P2RX5: variants seen among roughly 807,000 people sequenced by gnomAD.
P2RX5 encodes P2X purinoceptor 5.
A neutral mutation model predicts 54.1 loss-of-function variants in P2RX5; 46 were observed. The observed-to-expected ratio is 0.85, with a 90% CI of 0.67 to 1.09. P2RX5 has a LOEUF of 1.09. Among genes scored for constraint, P2RX5 ranks in the 50% least tolerant of loss-of-function variants. The pLI, the probability that P2RX5 is intolerant of heterozygous loss-of-function variation, is 0.00. For missense variants in P2RX5, 566 were observed against 549.8 expected (o/e 1.03, Z -0.29); for synonymous variants, 226 against 226.4 (o/e 1.00, Z 0.02).
At chr17:3,685,773 T>TCCCCCTCCCAG (rs1433196030) in intron 9 of P2RX5, among the ~76,000 whole-genome samples, 1 of 6,000 alleles carries the variant, frequency 1.7e-4, no homozygotes, top group African/African-American at 2.5e-4. Context: ...CCTCCCAACG[T>TCCCCCTCCCAG]CCCCCGCCCC....
At chr17:3,696,943 C>T (rs1249021799), upstream of P2RX5, among the ~76,000 whole-genome samples, 1 of 152,124 alleles carries the variant, frequency 6.6e-6, no homozygotes, top group Non-Finnish European at 1.5e-5. Flanking sequence ...GGGGGGAAGC[C>T]GTGGCTCCCC....
At chr17:3,699,927 A>AAAG (rs1597280960), upstream of P2RX5, among the ~76,000 whole-genome samples, 2 of 89,272 alleles carry the variant, frequency 2.2e-5, no homozygotes, top group African/African-American at 7.0e-5. Flanking sequence ...GGAAAGAAAG[A>AAAG]AAGAAAGAAA....
At chr17:3,679,355 TGGCACAGCA>T (rs1450502616) in intron 11 of P2RX5, among the ~76,000 whole-genome samples, 1 of 152,148 alleles carries the variant, frequency 6.6e-6, no homozygotes, top group Non-Finnish European at 1.5e-5. Flanking sequence ...AGCGCCGGCA[TGGCACAGCA>T]GGCACCCATG....
Position 3,679,751 on chromosome 17 carries a change from G to C in P2RX5, c.1098C>G (p.Asp366Glu). The C allele has an allele frequency of 2.5e-6, 4 of 1,611,766 alleles. No homozygotes were observed. Among genetic ancestry groups the C allele is most frequent in the African/African-American group, 1.3e-5 (1 of 74,964 alleles). Residue 366 changes from aspartate (D) to glutamate (E), a missense_variant, in exon 11 of 12, where the codon GAC (aspartate) becomes GAG (glutamate). Physicochemically the swap from Asp to Glu is conservative, Grantham distance 45. Coordinates refer to ENST00000225328, the MANE Select transcript of P2RX5 (RefSeq NM_002561.4). ...GLEDSSQEAE[D>E]EASGLGLSEQ... Reference sequence around the variant, plus strand: ...CAGATAGCCCCAGCCCCGATGCCTCGTCCTCGGCCTCCTGGGAACTGTCTT... The same window carrying C: ...CAGATAGCCCCAGCCCCGATGCCTCCTCCTCGGCCTCCTGGGAACTGTCTT...
the P2RX5 span, among the ~76,000 whole-genome samples, chr17:3,715,521 C>T: frequency 0.23 from 34,174 of 151,838 alleles, 4,748 homozygotes; most frequent in South Asian, 0.49. Flanking sequence ...CCTACGCGTA[C>T]GCAGAGGCAC....
chr17:3,677,361 AGATG>A (rs1349779438), intron 11 of P2RX5: 5 of 354,588 alleles, frequency 1.4e-5, no homozygotes, highest in Admixed American at 2.1e-4. Flanking sequence ...TGGTGGAGTC[AGATG>A]GAGCAGAGGC....
chr17:3,713,554 C>T, the P2RX5 span, among the ~76,000 whole-genome samples: 12 of 151,946 alleles, frequency 7.9e-5, no homozygotes, highest in Non-Finnish European at 5.9e-5. Flanking sequence ...AGTTTGAGAC[C>T]AGCCTGACCA....
chr17:3,701,712 A>ATAAAAAT, the P2RX5 span, among the ~76,000 whole-genome samples: 1 of 148,778 alleles, frequency 6.7e-6, no homozygotes, highest in South Asian at 2.1e-4. Context: ...AAAAAAAAAA[A>ATAAAAAT]AAAAAAAGGA....
At chr17:3,678,189 G>A in intron 11 of P2RX5, 1 of 801,022 alleles carries the variant, frequency 1.2e-6, no homozygotes, top group Non-Finnish European at 1.5e-6. Context: ...TCGGGAGCCG[G>A]TGGGTGGGCC....
the P2RX5 span, chr17:3,723,769 C>CG: frequency 6.2e-7 from 1 of 1,604,178 alleles, no homozygotes; most frequent in Non-Finnish European, 8.5e-7. Context: ...ATGACCGCGA[C>CG]GCGCTGAACA....
At chr17:3,722,586 TAC>T in the P2RX5 span, 10 of 152,110 alleles carry the variant, frequency 6.6e-5, no homozygotes, top group African/African-American at 2.4e-4. Context: ...GAACAGCAAG[TAC>T]AAAGTCTTGT....
chr17:3,701,696 G>GAAAAAAAAAAAAAAAAAAA, the P2RX5 span, among the ~76,000 whole-genome samples: 2 of 73,412 alleles, frequency 2.7e-5, no homozygotes, highest in South Asian at 5.1e-4. Context: ...CTCTGTCTCA[G>GAAAAAAAAAAAAAAAAAAA]AAAAAAAAAA....
the P2RX5 span, among the ~76,000 whole-genome samples, chr17:3,718,663 C>T: frequency 6.6e-6 from 1 of 152,224 alleles, no homozygotes; most frequent in Admixed American, 6.5e-5. Context: ...TTTGGGGAAT[C>T]CATGCTATAG....
At chr17:3,699,951 A>G (rs2143003118), upstream of P2RX5, among the ~76,000 whole-genome samples, 2 of 136,692 alleles carry the variant, frequency 1.5e-5, no homozygotes, top group African/African-American at 2.5e-5. Context: ...AGAAAGAAAG[A>G]AAGAAAGAAA....
the P2RX5 span, among the ~76,000 whole-genome samples, chr17:3,715,862 T>C: frequency 6.6e-6 from 1 of 151,786 alleles, no homozygotes; most frequent in Non-Finnish European, 1.5e-5. Flanking sequence ...CTGGTGTTTA[T>C]TTTTAAAAAA....
At chr17:3,682,942 C>T (rs961653683) in intron 9 of P2RX5, 1 of 152,186 alleles carries the variant, frequency 6.6e-6, no homozygotes, top group Non-Finnish European at 1.5e-5. Context: ...AGGAAAATCG[C>T]CTGAACTCGG....
At chr17:3,685,353 A>G (rs2050412300) in intron 9 of P2RX5, among the ~76,000 whole-genome samples, 1 of 152,104 alleles carries the variant, frequency 6.6e-6, no homozygotes, top group African/African-American at 2.4e-5. Flanking sequence ...AGAGCGTGAA[A>G]TCCCAGAAAG....
chr17:3,716,428 T>G, the P2RX5 span, among the ~76,000 whole-genome samples: 1 of 152,222 alleles, frequency 6.6e-6, no homozygotes, highest in Non-Finnish European at 1.5e-5. Flanking sequence ...CATAACAGTA[T>G]TAAGTTCTGG....
chr17:3,715,350 A>C, the P2RX5 span, among the ~76,000 whole-genome samples: 1 of 152,186 alleles, frequency 6.6e-6, no homozygotes, highest in African/African-American at 2.4e-5. Flanking sequence ...AGATAATTAC[A>C]ACACAGTGTG....
Sources: allele counts gnomAD v4.1 joint callset (sites outside exome capture counted in the v4.1 genomes callset), GRCh38; gene constraint gnomAD v4.1.1; transcripts MANE v1.5; gene names NCBI Gene and HGNC (gene_info 2026-07-23, HGNC 2026-07-21).